LRRC8C: variants seen among roughly 807,000 people sequenced by gnomAD.
LRRC8C encodes volume-regulated anion channel subunit LRRC8C.
Under a neutral mutation model 55.3 loss-of-function variants are expected in LRRC8C, and 20 were observed. The ratio of observed to expected loss-of-function variants is 0.36; its 90% CI spans 0.25 to 0.53. The LOEUF (loss-of-function observed/expected upper bound fraction) is 0.53. Ranked by LOEUF, LRRC8C falls within the 20% of genes least tolerant of loss-of-function variation. LRRC8C has a pLI of 0.92. For synonymous variants in LRRC8C, 376 were observed against 360.7 expected, an observed-to-expected ratio of 1.04 and a Z score of -0.48; for missense variants, 659 against 951.4, an observed-to-expected ratio of 0.69 and a Z score of 4.04.
rs550887977 is a variant in LRRC8C at position 89,652,426 on chromosome 1, A to G, written c.-5+19104A>G. 7.9e-5 allele frequency among the ~76,000 whole-genome samples: 12 copies of G among 152,338 alleles called. 1 individual carries two copies. Among genetic ancestry groups the G allele is most frequent in the African/African-American group, 2.9e-4 (12 of 41,570 alleles). On this transcript the variant is annotated intron_variant, in intron 1 of 2. Transcript: ENST00000370454. Reference sequence around the variant, plus strand: ...TGCACAAAGATTTTGGTGGTTAAGAATAATAATTTTGAAGCTTCAAGTAAT... The same window carrying G: ...TGCACAAAGATTTTGGTGGTTAAGAGTAATAATTTTGAAGCTTCAAGTAAT...
At chr1:89,696,297 T>A (rs537875679) in intron 2 of LRRC8C, among the ~76,000 whole-genome samples, 1 of 152,310 alleles carries the variant, frequency 6.6e-6, no homozygotes, top group East Asian at 1.9e-4. Flanking sequence ...ACACTTCAGA[T>A]AAGTCTCAAG....
chr1:89,646,933 A>G (rs1331266288), intron 1 of LRRC8C, among the ~76,000 whole-genome samples: 1 of 152,202 alleles, frequency 6.6e-6, no homozygotes, highest in African/African-American at 2.4e-5. Flanking sequence ...ATTTACCAAA[A>G]AATCTTACCA....
the LRRC8C span, among the ~76,000 whole-genome samples, chr1:89,628,021 T>C: frequency 2.6e-5 from 4 of 152,192 alleles, no homozygotes; most frequent in African/African-American, 9.7e-5. Flanking sequence ...CCCAAGGAAT[T>C]TGGGTAACAG....
Position 89,715,014 on chromosome 1 carries a change from G to A in LRRC8C, c.*32G>A, listed in dbSNP as rs753830137. On this transcript the variant is annotated 3_prime_UTR_variant, in exon 3 of 3. Coordinates refer to ENST00000370454, the MANE Select transcript of LRRC8C (RefSeq NM_032270.5). ...TTTCGTTAAAGTTTGACTGAAACAC[G>A]CTTCTACCAAATACAGTATAAATAA... 5.4e-6 allele frequency: 8 copies of A among 1,471,886 alleles called. No individual in the cohort carries two copies. The highest frequency in any genetic ancestry group is 2.7e-5 in the South Asian group (2 of 75,160). 91.2% of individuals were successfully genotyped at this position (1,471,886 alleles called of 1,614,324 possible).
chr1:89,707,635 GGT>G (rs1247177777), intron 2 of LRRC8C, among the ~76,000 whole-genome samples: 14 of 140,786 alleles, frequency 9.9e-5, no homozygotes, highest in African/African-American at 3.2e-4. Context: ...AGGTGTGGCT[GGT>G]GTGTGTGTGT....
chr1:89,640,417 T>G (rs2101179345), intron 1 of LRRC8C, among the ~76,000 whole-genome samples: 1 of 152,326 alleles, frequency 6.6e-6, no homozygotes, highest in Non-Finnish European at 1.5e-5. Flanking sequence ...CTAACTAGTC[T>G]TTTTCAAATA....
chr1:89,650,865 A>C (rs553731400), intron 1 of LRRC8C, among the ~76,000 whole-genome samples: 21 of 152,254 alleles, frequency 1.4e-4, no homozygotes, highest in Non-Finnish European at 5.9e-5. Flanking sequence ...TTTAACTCCA[A>C]CCCCAAGTTC....
chr1:89,715,011 CA>C lies in LRRC8C; in HGVS notation c.*30del. On this transcript the variant is annotated 3_prime_UTR_variant, in exon 3 of 3. Transcript: ENST00000370454. ...ATTTTTCGTTAAAGTTTGACTGAAA[CA>C]CGCTTCTACCAAATACAGTATAAAT... is the stretch of plus-strand genomic sequence containing the variant. 6.8e-7 allele frequency: 1 copy of C among 1,478,812 alleles called. No homozygotes were observed. Among genetic ancestry groups the C allele is most frequent in the Non-Finnish European group, 9.2e-7 (1 of 1,091,786 alleles). The allele number at this position is 1,478,812 out of a possible 1,614,324, so 91.6% of individuals were successfully genotyped here.
At chr1:89,706,469 T>C (rs1658485570) in intron 2 of LRRC8C, 1 of 383,836 alleles carries the variant, frequency 2.6e-6, no homozygotes, top group African/African-American at 2.1e-5. Flanking sequence ...CTGATGTGTC[T>C]TAATGATTCT....
intron 1 of LRRC8C, among the ~76,000 whole-genome samples, chr1:89,641,908 G>A (rs1656466196): frequency 1.3e-5 from 2 of 152,212 alleles, no homozygotes; most frequent in South Asian, 2.1e-4. Flanking sequence ...GGTACCGCAA[G>A]AGGAGCTTAT....
At chr1:89,678,683 A>C (rs1006731172) in intron 1 of LRRC8C, among the ~76,000 whole-genome samples, 3 of 145,446 alleles carry the variant, frequency 2.1e-5, no homozygotes, top group Non-Finnish European at 4.5e-5. Flanking sequence ...CTGGGCAACA[A>C]GGGAGAAATT....
Position 89,709,808 on chromosome 1 carries a change from G to A in LRRC8C, c.139-2901G>A, listed in dbSNP as rs1024521353. On this transcript the variant is annotated intron_variant, in intron 2 of 2. Coordinates refer to ENST00000370454, the MANE Select transcript of LRRC8C (RefSeq NM_032270.5). ...GCTCTGTCGCCCAGGCTGGAGTGCA[G>A]TGGCGCGATCTCGGCTCACTGCAAG... Among the ~76,000 whole-genome samples the A allele has an allele frequency of 2.7e-5, 4 of 149,464 alleles. No homozygotes were observed. The Admixed American group carries it at 2.7e-4, about 10-fold the overall frequency.
At chr1:89,696,190 A>C (rs560705027) in intron 2 of LRRC8C, among the ~76,000 whole-genome samples, 2 of 152,342 alleles carry the variant, frequency 1.3e-5, no homozygotes, top group South Asian at 4.1e-4. Flanking sequence ...TGCAGGAGCT[A>C]TACAGACATA....
At chr1:89,662,618 A>G (rs546909384) in intron 1 of LRRC8C, among the ~76,000 whole-genome samples, 3 of 152,204 alleles carry the variant, frequency 2.0e-5, no homozygotes, top group Admixed American at 6.5e-5. Context: ...TGGAATCTGA[A>G]TATATTTTTG....
In LRRC8C at chr1:89,715,428, T is replaced by C. The variant is rs1658791087; in HGVS notation, c.*446T>C. On this transcript the variant is annotated 3_prime_UTR_variant, in exon 3 of 3. Coordinates refer to ENST00000370454, the MANE Select transcript of LRRC8C (RefSeq NM_032270.5). ...GTGCTAGTTATTTTAATACCAGCTG[T>C]CTTCTCCATTGGCCAAGACCTTCAT... The C allele has an allele frequency of 1.3e-5, 2 of 152,818 alleles. No homozygotes were observed. Among genetic ancestry groups the C allele is most frequent in the East Asian group, 1.9e-4 (1 of 5,226 alleles). 9.5% of individuals were successfully genotyped at this position (152,818 alleles called of 1,614,324 possible).
chr1:89,713,385 A>T lies in LRRC8C; in HGVS notation c.815A>T (p.Lys272Ile), dbSNP rs767000338. 2 of 1,614,240 alleles carry T rather than the reference A, an allele frequency of 1.2e-6. No homozygotes were observed. The highest frequency in any genetic ancestry group is 2.2e-5 in the South Asian group (2 of 91,084). The change falls in exon 3 of 3, where the codon AAA becomes ATA. Residue 272 changes from lysine (K) to isoleucine (I), a missense_variant. Around this residue, in one of 5 missense-constraint regions of LRRC8C, gnomAD observed 200 missense variants for 360.5 expected, o/e 0.55. Coordinates refer to ENST00000370454, the MANE Select transcript of LRRC8C (RefSeq NM_032270.5). This position sits in a 1 kb window ranked among gnomAD's most constrained non-coding sequence, Gnocchi z 5.2. ...CGCCAGACTGTACTTAAAGTTATCA[A>T]ATTCCTAATCATCATTGCATATAAT... ...YVRQTVLKVIKFLIIIAYNSA... is the reference protein window; with the variant it reads ...YVRQTVLKVIIFLIIIAYNSA...
chr1:89,634,481 C>A (rs1006072892), intron 1 of LRRC8C, among the ~76,000 whole-genome samples: 1 of 152,092 alleles, frequency 6.6e-6, no homozygotes, highest in African/African-American at 2.4e-5. Flanking sequence ...TCACATTTCC[C>A]GACAGGTATG....
intron 1 of LRRC8C, among the ~76,000 whole-genome samples, chr1:89,684,628 T>C (rs1341880340): frequency 3.3e-5 from 5 of 152,144 alleles, no homozygotes; most frequent in African/African-American, 9.7e-5. Flanking sequence ...GCAGTGGGAC[T>C]GTAATAATTT....
chr1:89,619,569 C>T, the LRRC8C span, among the ~76,000 whole-genome samples: 2 of 150,822 alleles, frequency 1.3e-5, no homozygotes, highest in African/African-American at 4.9e-5. Flanking sequence ...TTTATTATAA[C>T]TAAGCTAACT....
Sources: allele counts gnomAD v4.1 joint callset (sites outside exome capture counted in the v4.1 genomes callset), GRCh38; gene constraint gnomAD v4.1.1; regional missense constraint gnomAD v4.1.1; non-coding constraint Gnocchi (gnomAD v3.1); transcripts MANE v1.5; gene names NCBI Gene and HGNC (gene_info 2026-07-23, HGNC 2026-07-21).